Variants in MSH4 observed in about 807,000 individuals in gnomAD.
The protein encoded by MSH4 is mutS homolog 4.
Under a neutral mutation model 113.7 loss-of-function variants are expected in MSH4, and 106 were observed. That is an observed-to-expected ratio of 0.93 (90% CI 0.80 to 1.10). The LOEUF is 1.10. Among genes scored for constraint, MSH4 ranks in the 50% least tolerant of loss-of-function variants. MSH4 has a pLI of 0.00. For missense variants in MSH4, 1,061 were observed against 1,093.7 expected (o/e 0.97, Z 0.42); for synonymous variants, 368 against 380.2 (o/e 0.97, Z 0.37).
chr1:75,885,045 G>GTATATATATATATA (rs1286506735), intron 15 of MSH4, among the ~76,000 whole-genome samples: 5 of 107,794 alleles, frequency 4.6e-5, no homozygotes, highest in African/African-American at 2.3e-4. Flanking sequence ...GTGTGTGTGT[G>GTATATATATATATA]TGTGTGTGTG....
At chr1:75,874,775 C>T (rs796132029) in intron 9 of MSH4, among the ~76,000 whole-genome samples, 25 of 152,264 alleles carry the variant, frequency 1.6e-4, no homozygotes, top group African/African-American at 5.8e-4. Context: ...AAGGTGGTGA[C>T]TTTGTAGGAT....
intron 14 of MSH4, among the ~76,000 whole-genome samples, chr1:75,882,416 C>T (rs977639848): frequency 6.6e-6 from 1 of 151,936 alleles, no homozygotes; most frequent in Non-Finnish European, 1.5e-5. Flanking sequence ...TATGCTTTCA[C>T]CCTCTTCCTC....
Position 75,822,414 on chromosome 1 carries a change from A to G in MSH4, c.995A>G (p.Asn332Ser). 6.5e-7 allele frequency: 1 copy of G among 1,547,388 alleles called. No individual in the cohort carries two copies. Among genetic ancestry groups the G allele is most frequent in the Non-Finnish European group, 8.7e-7 (1 of 1,155,494 alleles). Residue 332 changes from asparagine (N) to serine (S), a missense_variant, in exon 7 of 20, where the codon AAT (asparagine) becomes AGT (serine). Asn to Ser is a conservative substitution (Grantham distance 46). Coordinates refer to ENST00000263187, the MANE Select transcript of MSH4 (RefSeq NM_002440.4). ...CATTTCTTGTGTTTTGAAAGGAATA[A>G]TCACACTCTCTTTGGTGTTCTAAAT... Reference protein sequence around the residue: ...LLINNQDYRNNHTLFGVLNYT... With the variant: ...LLINNQDYRNSHTLFGVLNYT...
chr1:75,880,991 C>T lies in MSH4; in HGVS notation c.1782-255C>T, dbSNP rs762714659. Among the ~76,000 whole-genome samples the T allele has an allele frequency of 5.5e-4, 83 of 151,768 alleles. 1 individual carries two copies. The highest frequency in any genetic ancestry group is 1.9e-4 in the Non-Finnish European group (13 of 67,866). On this transcript the variant is annotated intron_variant, in intron 13 of 19. Coordinates refer to ENST00000263187, the MANE Select transcript of MSH4 (RefSeq NM_002440.4). ...TTATTTTATTAATATCATATAAAAG[C>T]AGTTATTTCAAAAATGTTATGTTAA...
chr1:75,867,860 CATA>C lies in MSH4; in HGVS notation c.1305+276_1305+278del, dbSNP rs5745440. On this transcript the variant is annotated intron_variant, in intron 9 of 19. Coordinates refer to ENST00000263187, the MANE Select transcript of MSH4 (RefSeq NM_002440.4). ...ACAAAAAGATGTTCTCTTATATAAT[CATA>C]ATATTATTATCAAATTCAGAATAAT... 6.3e-3 allele frequency among the ~76,000 whole-genome samples: 959 copies of C among 152,076 alleles called. 16 individuals carry two copies. Among genetic ancestry groups the C allele is most frequent in the Admixed American group, 0.035 (537 of 15,258 alleles).
intron 3 of MSH4, 86 bp from the exon 4 acceptor site, chr1:75,810,611 T>G: frequency 1.8e-6 from 1 of 562,298 alleles, no homozygotes; most frequent in Non-Finnish European, 3.0e-6. Flanking sequence ...TATCTATGAA[T>G]TAATTTTAAA....
In MSH4 at chr1:75,889,931, A is replaced by T. The variant is rs557932794; in HGVS notation, c.2226+562A>T. ...ATTTTCTTCAAGTAGATAGGTGGTG[A>T]CTAAAGTTATCATTTGTCCCATGAT... On this transcript the variant is annotated intron_variant, in intron 16 of 19. Transcript: ENST00000263187. 2.6e-5 allele frequency among the ~76,000 whole-genome samples: 4 copies of T among 152,222 alleles called. No homozygotes were observed. The East Asian group carries it at 7.7e-4, about 29-fold the overall frequency.
chr1:75,866,506 G>C (rs987423207), intron 8 of MSH4, among the ~76,000 whole-genome samples: 2 of 152,116 alleles, frequency 1.3e-5, no homozygotes, highest in African/African-American at 4.8e-5. Context: ...GTTGTTTTCT[G>C]TTTAGTGAAT....
intron 8 of MSH4, among the ~76,000 whole-genome samples, chr1:75,858,820 G>A (rs184700893): frequency 1.0e-3 from 156 of 152,186 alleles, no homozygotes; most frequent in Admixed American, 2.0e-3. Flanking sequence ...TCTATTGATC[G>A]GAATATTTCA....
chr1:75,896,637 A>G (rs1300832347), intron 17 of MSH4, among the ~76,000 whole-genome samples: 1 of 152,018 alleles, frequency 6.6e-6, no homozygotes, highest in Non-Finnish European at 1.5e-5. Flanking sequence ...TAGTATAAAT[A>G]ATTTAATAAA....
intron 1 of MSH4, 81 bp from the exon 2 acceptor site, chr1:75,803,650 A>G: frequency 9.7e-7 from 1 of 1,026,408 alleles, no homozygotes; most frequent in South Asian, 2.3e-5. Context: ...AGGAAAGTGA[A>G]CATGGTATAA....
intron 9 of MSH4, among the ~76,000 whole-genome samples, chr1:75,870,884 A>G (rs182604083): frequency 1.8e-4 from 28 of 152,336 alleles, no homozygotes; most frequent in African/African-American, 5.8e-4. Context: ...TCACCAGAAA[A>G]ATATTGAGAG....
At chr1:75,800,969 A>G (rs1204832716) in intron 1 of MSH4, among the ~76,000 whole-genome samples, 2 of 152,164 alleles carry the variant, frequency 1.3e-5, no homozygotes, top group Admixed American at 1.3e-4. Context: ...ATTGTATTTA[A>G]TTTTGATTTA....
In MSH4 at chr1:75,843,225, G is replaced by A. The variant is rs561257661; in HGVS notation, c.1163-4984G>A. On this transcript the variant is annotated intron_variant, in intron 7 of 19. Coordinates refer to ENST00000263187, the MANE Select transcript of MSH4 (RefSeq NM_002440.4). ...TGCTTTGTATCCAATAAATAACAGC[G>A]CAGCCAGACATTCGGGGCCACTACC... is the stretch of plus-strand genomic sequence containing the variant. 1.1e-4 allele frequency among the ~76,000 whole-genome samples: 16 copies of A among 152,196 alleles called. No individual in the cohort carries two copies. The East Asian group carries it at 2.1e-3, about 20-fold the overall frequency.
In MSH4 at chr1:75,803,866, C is replaced by T. The variant is rs758169967; in HGVS notation, c.380C>T (p.Pro127Leu). Residue 127 changes from proline to leucine, a missense_variant, in exon 2 of 20, where the codon CCT (proline) becomes CTT (leucine). By Grantham distance (98) the Pro-to-Leu change is moderately conservative. Coordinates refer to ENST00000263187, the MANE Select transcript of MSH4 (RefSeq NM_002440.4). ...TLKTPLSTGNPQRSGYKSWTP... is the reference protein window; with the variant it reads ...TLKTPLSTGNLQRSGYKSWTP... ...AAAACTCCATTGTCTACTGGAAATC[C>T]TCAGAGATCAGGTTATAAGAGCTGG... is the stretch of plus-strand genomic sequence containing the variant. 1.3e-6 allele frequency: 2 copies of T among 1,597,758 alleles called. No homozygotes were observed. Among genetic ancestry groups the T allele is most frequent in the Admixed American group, 1.8e-5 (1 of 57,118 alleles).
chr1:75,805,383 G>GTT (rs35951661), intron 2 of MSH4, among the ~76,000 whole-genome samples: 1 of 124,324 alleles, frequency 8.0e-6, no homozygotes, highest in African/African-American at 2.9e-5. Context: ...ACCATTTTTT[G>GTT]TTTTTTTTTT....
Position 75,816,520 on chromosome 1 carries a change from A to G in MSH4, c.963A>G (p.Glu321=), listed in dbSNP as rs1650297503. 1 of 1,585,906 alleles carries G rather than the reference A, an allele frequency of 6.3e-7. No homozygotes were observed. The highest frequency in any genetic ancestry group is 1.2e-5 in the South Asian group (1 of 85,380). The change falls in exon 6 of 20, where the codon GAA becomes GAG. Residue 321 remains glutamate (E), a synonymous_variant. Transcript: ENST00000263187. ...MIDSSSAQNL[E]LLINNQDYRN... ...ATTCATCATCAGCCCAAAACCTTGAATTGTTAATTAATAATCAAGACTATA... is the reference window on the plus strand; with the variant it reads ...ATTCATCATCAGCCCAAAACCTTGAGTTGTTAATTAATAATCAAGACTATA...
At chr1:75,858,315 G>C (rs538494569) in intron 8 of MSH4, among the ~76,000 whole-genome samples, 3 of 152,308 alleles carry the variant, frequency 2.0e-5, no homozygotes, top group Admixed American at 2.0e-4. Context: ...GAATAGGAGT[G>C]GTGAGAAAGG....
At chr1:75,830,814 A>C (rs970427296) in intron 7 of MSH4, among the ~76,000 whole-genome samples, 1 of 152,222 alleles carries the variant, frequency 6.6e-6, no homozygotes, top group African/African-American at 2.4e-5. Context: ...AGGAACAACC[A>C]GTACCAGCCA....
Sources: gnomAD v4.1 joint callset for allele counts (sites outside exome capture counted in the v4.1 genomes callset) on GRCh38, gnomAD v4.1.1 for gene constraint, MANE v1.5 for transcripts, NCBI Gene and HGNC (gene_info 2026-07-23, HGNC 2026-07-21) for gene names.